INSYN2B: variants seen among roughly 807,000 people sequenced by gnomAD.
INSYN2B encodes inhibitory synaptic factor family member 2B.
INSYN2B carries 16 observed loss-of-function variants against 41.2 expected under a neutral mutation model. The observed-to-expected ratio is 0.39, with a 90% CI of 0.26 to 0.59. INSYN2B has a LOEUF of 0.59. INSYN2B is among the 20% of genes least tolerant of loss of function. The pLI, the probability that INSYN2B is intolerant of heterozygous loss-of-function variation, is 0.57. For missense variants in INSYN2B, 608 were observed against 646.4 expected, an observed-to-expected ratio of 0.94 and a Z score of 0.64; for synonymous variants, 245 against 244.4, an observed-to-expected ratio of 1.00 and a Z score of -0.02.
intron 3 of INSYN2B, 71 bp from the exon 4 acceptor site, chr5:169,864,530 C>A (rs1771415772): frequency 2.5e-6 from 3 of 1,187,536 alleles, no homozygotes; most frequent in African/African-American, 3.1e-5. Context: ...ATCTCTCAGC[C>A]CCAACTAATA....
chr5:169,941,941 A>C (rs1023730627), intron 1 of INSYN2B, among the ~76,000 whole-genome samples: 1 of 152,202 alleles, frequency 6.6e-6, no homozygotes, highest in Non-Finnish European at 1.5e-5. Flanking sequence ...CTCCCAATTT[A>C]AAAAACACAC....
Position 169,894,056 on chromosome 5 carries a change from G to A in INSYN2B, c.-918-9240C>T, listed in dbSNP as rs373154159. Among the ~76,000 whole-genome samples the A allele has an allele frequency of 1.7e-3, 258 of 152,250 alleles. 1 individual carries two copies. Among genetic ancestry groups the A allele is most frequent in the African/African-American group, 5.3e-3 (220 of 41,548 alleles). On this transcript the variant is annotated intron_variant, in intron 1 of 3. Transcript: ENST00000377365. ...CATTTGGCTGATTAAAATACTAGTC[G>A]TTGTACTAAAAACGACAGACTCCAG...
At chr5:169,931,128 C>T (rs1206624284) in intron 1 of INSYN2B, among the ~76,000 whole-genome samples, 11 of 152,178 alleles carry the variant, frequency 7.2e-5, no homozygotes, top group Non-Finnish European at 1.3e-4. Context: ...GCTACTAACA[C>T]CCTTGATCTT....
chr5:169,903,572 G>A (rs1774084783), intron 1 of INSYN2B, among the ~76,000 whole-genome samples: 1 of 152,258 alleles, frequency 6.6e-6, no homozygotes, highest in Non-Finnish European at 1.5e-5. Flanking sequence ...GGGGAGATGG[G>A]AGAAGGGAAG....
chr5:169,943,100 C>T (rs1776305539), intron 1 of INSYN2B, among the ~76,000 whole-genome samples: 2 of 152,196 alleles, frequency 1.3e-5, no homozygotes, highest in Non-Finnish European at 2.9e-5. Flanking sequence ...TTCTCTATTC[C>T]ATTCAATGGA....
At chr5:169,874,406 G>C (rs1245714017) in intron 3 of INSYN2B, among the ~76,000 whole-genome samples, 1 of 82,700 alleles carries the variant, frequency 1.2e-5, no homozygotes, top group Non-Finnish European at 2.2e-5. Context: ...GTGAGACTCT[G>C]TCTCAAAAAA....
chr5:169,915,557 AACACACAC>A lies in INSYN2B; in HGVS notation c.-918-30749_-918-30742del, dbSNP rs56728646. Among the ~76,000 whole-genome samples, 1,328 of 143,284 alleles carry A rather than the reference AACACACAC, an allele frequency of 9.3e-3. 11 individuals carry two copies. The highest frequency in any genetic ancestry group is 0.01 in the South Asian group (43 of 4,300). The allele number at this position is 143,284 out of a possible 152,430, so 94.0% of individuals were successfully genotyped here. On this transcript the variant is annotated intron_variant, in intron 1 of 3. Transcript: ENST00000377365. ...GAAAATATTTGAGGAATTGACAGGGAACACACACACACACACACACACACACACACACA... is the reference window on the plus strand; with the variant it reads ...GAAAATATTTGAGGAATTGACAGGGAACACACACACACACACACACACACA...
At chr5:169,910,770 C>T (rs1774551765) in intron 1 of INSYN2B, among the ~76,000 whole-genome samples, 1 of 152,220 alleles carries the variant, frequency 6.6e-6, no homozygotes, top group Non-Finnish European at 1.5e-5. Context: ...CTTTTTAGGT[C>T]ACAGCTTTCT....
At chr5:169,968,770 A>G (rs1777391963) in intron 1 of INSYN2B, among the ~76,000 whole-genome samples, 1 of 152,230 alleles carries the variant, frequency 6.6e-6, no homozygotes, top group Non-Finnish European at 1.5e-5. Context: ...TGAGCAAAAT[A>G]AAAGGAGGAA....
At chr5:169,908,679 A>C (rs1774422250) in intron 1 of INSYN2B, among the ~76,000 whole-genome samples, 1 of 150,952 alleles carries the variant, frequency 6.6e-6, no homozygotes, top group African/African-American at 2.4e-5. Flanking sequence ...TCTTCATTTT[A>C]CAGGTTTCAA....
intron 1 of INSYN2B, among the ~76,000 whole-genome samples, chr5:169,919,557 T>C (rs1775060549): frequency 6.6e-6 from 1 of 152,226 alleles, no homozygotes; most frequent in Admixed American, 6.5e-5. Flanking sequence ...ATTTCTTTGA[T>C]GTGGACATTA....
At chr5:169,948,648 C>CTGTT (rs1776540863) in intron 1 of INSYN2B, among the ~76,000 whole-genome samples, 1 of 145,182 alleles carries the variant, frequency 6.9e-6, no homozygotes, top group African/African-American at 2.5e-5. Context: ...GGGTCTTGCT[C>CTGTT]TGTTCCCCAG....
intron 1 of INSYN2B, among the ~76,000 whole-genome samples, chr5:169,942,571 C>T (rs1776284030): frequency 1.3e-5 from 2 of 152,218 alleles, no homozygotes; most frequent in South Asian, 4.1e-4. Flanking sequence ...CTCCCAAGTT[C>T]CCTCCATTGT....
At chr5:169,875,066 T>G (rs1413959958) in intron 3 of INSYN2B, among the ~76,000 whole-genome samples, 1 of 152,174 alleles carries the variant, frequency 6.6e-6, no homozygotes, top group Non-Finnish European at 1.5e-5. Context: ...AAAGATGTAG[T>G]AAGAACTAAA....
At chr5:169,894,782 T>TC (rs1402588890) in intron 1 of INSYN2B, among the ~76,000 whole-genome samples, 1 of 151,340 alleles carries the variant, frequency 6.6e-6, no homozygotes, top group Non-Finnish European at 1.5e-5. Context: ...CATTATGCAC[T>TC]GGGCCCCAGG....
chr5:169,900,650 G>A lies in INSYN2B; in HGVS notation c.-918-15834C>T, dbSNP rs554417221. Among the ~76,000 whole-genome samples the A allele has an allele frequency of 5.3e-5, 8 of 152,284 alleles. No individual in the cohort carries two copies. In the South Asian group the frequency reaches 1.4e-3, roughly 28 times the overall value. ...TGCACTACTTCTAATTAGAAGCTTC[G>A]ATTAGCAGTATTACATGCTTTGGAT... On this transcript the variant is annotated intron_variant, in intron 1 of 3. Transcript: ENST00000377365.
intron 3 of INSYN2B, among the ~76,000 whole-genome samples, chr5:169,873,736 A>G (rs1470797776): frequency 1.3e-5 from 2 of 152,218 alleles, no homozygotes; most frequent in Admixed American, 1.3e-4. Flanking sequence ...CTGGTTAGGT[A>G]ATAGCTTTGA....
chr5:169,911,045 G>A (rs570114980), intron 1 of INSYN2B, among the ~76,000 whole-genome samples: 22 of 152,300 alleles, frequency 1.4e-4, no homozygotes, highest in East Asian at 5.8e-4. Flanking sequence ...GCTGATGCTC[G>A]TTGGTCCACT....
intron 3 of INSYN2B, among the ~76,000 whole-genome samples, chr5:169,876,174 G>A (rs570125686): frequency 1.1e-4 from 16 of 152,144 alleles, no homozygotes; most frequent in East Asian, 1.9e-4. Flanking sequence ...CTTTCTCTGC[G>A]GCCCTTGTGA....
Sources: gnomAD v4.1 joint callset for allele counts (sites outside exome capture counted in the v4.1 genomes callset) on GRCh38, gnomAD v4.1.1 for gene constraint, MANE v1.5 for transcripts, NCBI Gene and HGNC (gene_info 2026-07-23, HGNC 2026-07-21) for gene names.